RAB38: variants seen among roughly 807,000 people sequenced by gnomAD.
RAB38 encodes the protein ras-related protein Rab-38.
A neutral mutation model predicts 18.4 loss-of-function variants in RAB38; 15 were observed. The ratio of observed to expected loss-of-function variants is 0.82; its 90% confidence interval spans 0.55 to 1.26. The LOEUF (loss-of-function observed/expected upper bound fraction) is 1.26, where lower values mean the gene tolerates loss of function less well. Among genes scored for constraint, RAB38 ranks in the 50% most tolerant of loss-of-function variants. RAB38 has a pLI of 0.00. For synonymous variants in RAB38, 101 were observed against 104.4 expected (o/e 0.97, Z 0.20); for missense variants, 294 against 267.4 (o/e 1.10, Z -0.69).
chr11:88,076,691 G>A, the RAB38 span, among the ~76,000 whole-genome samples: 5 of 151,468 alleles, frequency 3.3e-5, no homozygotes, highest in East Asian at 1.9e-4. Context: ...AGTGGCTCAC[G>A]CCTGCAATCC....
chr11:88,069,591 A>G, the RAB38 span, among the ~76,000 whole-genome samples: 1 of 152,186 alleles, frequency 6.6e-6, no homozygotes, highest in Non-Finnish European at 1.5e-5. Context: ...TGTCTAGCTC[A>G]GGGTTCATGG....
At chr11:87,869,219 G>C in the RAB38 span, among the ~76,000 whole-genome samples, 3 of 151,572 alleles carry the variant, frequency 2.0e-5, no homozygotes, top group Admixed American at 2.0e-4. Context: ...CAAATCACAA[G>C]GTCAGCTACT....
chr11:87,896,069 T>A, the RAB38 span, among the ~76,000 whole-genome samples: 1 of 151,714 alleles, frequency 6.6e-6, no homozygotes, highest in African/African-American at 2.4e-5. Context: ...TAATCAAAAC[T>A]GTACCAGGTA....
the RAB38 span, among the ~76,000 whole-genome samples, chr11:88,078,228 G>T: frequency 6.6e-6 from 1 of 151,970 alleles, no homozygotes; most frequent in African/African-American, 2.4e-5. Context: ...ATGTAAATTA[G>T]TACAGCAACT....
chr11:88,163,123 G>A (rs1038774907), intron 1 of RAB38, among the ~76,000 whole-genome samples: 1 of 151,988 alleles, frequency 6.6e-6, no homozygotes, highest in African/African-American at 2.4e-5. Context: ...CTGCAAACCT[G>A]TGCAGCCTGT....
intron 1 of RAB38, among the ~76,000 whole-genome samples, chr11:88,164,430 G>A (rs547164812): frequency 6.6e-6 from 1 of 152,072 alleles, no homozygotes; most frequent in Non-Finnish European, 1.5e-5. Flanking sequence ...GTTTGAAACT[G>A]GGGTTTGGAA....
the RAB38 span, among the ~76,000 whole-genome samples, chr11:87,977,774 T>A: frequency 8.8e-6 from 1 of 113,998 alleles, no homozygotes; most frequent in Non-Finnish European, 1.7e-5. Flanking sequence ...ATTATAGTTA[T>A]ATATTATATC....
At chr11:88,078,649 C>T in the RAB38 span, among the ~76,000 whole-genome samples, 8 of 151,940 alleles carry the variant, frequency 5.3e-5, no homozygotes, top group African/African-American at 1.9e-4. Flanking sequence ...TGTATGTTCT[C>T]ACTCATATTT....
At chr11:88,048,653 C>A in the RAB38 span, among the ~76,000 whole-genome samples, 2 of 152,094 alleles carry the variant, frequency 1.3e-5, no homozygotes, top group Non-Finnish European at 2.9e-5. Context: ...GACTGTGCCC[C>A]AAAAAACTTG....
the RAB38 span, among the ~76,000 whole-genome samples, chr11:87,855,957 C>T: frequency 6.6e-6 from 1 of 152,100 alleles, no homozygotes; most frequent in Non-Finnish European, 1.5e-5. Flanking sequence ...ACAGAACTTT[C>T]CAACATTTAG....
chr11:87,908,411 T>C, the RAB38 span, among the ~76,000 whole-genome samples: 1 of 152,014 alleles, frequency 6.6e-6, no homozygotes, highest in Non-Finnish European at 1.5e-5. Flanking sequence ...GGGTGAACAC[T>C]CCTTTGGTGA....
At chr11:88,160,748 C>T (rs369538111) in intron 1 of RAB38, among the ~76,000 whole-genome samples, 1 of 152,090 alleles carries the variant, frequency 6.6e-6, no homozygotes, top group African/African-American at 2.4e-5. Flanking sequence ...CTAAATACTG[C>T]ATGTCCTCAC....
intron 2 of RAB38, among the ~76,000 whole-genome samples, chr11:88,121,868 C>T (rs1194534307): frequency 2.6e-5 from 4 of 152,166 alleles, no homozygotes; most frequent in Non-Finnish European, 4.4e-5. Flanking sequence ...GCCCAGAGCC[C>T]CTGCTCTTAA....
chr11:88,013,457 A>G, the RAB38 span, among the ~76,000 whole-genome samples: 1 of 152,042 alleles, frequency 6.6e-6, no homozygotes, highest in South Asian at 2.1e-4. Flanking sequence ...TTTTTTTGCC[A>G]TTTAGAATGA....
the RAB38 span, among the ~76,000 whole-genome samples, chr11:87,975,874 G>A: frequency 6.6e-6 from 1 of 151,386 alleles, no homozygotes; most frequent in South Asian, 2.1e-4. Context: ...ACACAAATTA[G>A]CAATGTCATG....
the RAB38 span, among the ~76,000 whole-genome samples, chr11:87,814,326 T>C: frequency 6.6e-6 from 1 of 152,184 alleles, no homozygotes; most frequent in Non-Finnish European, 1.5e-5. Flanking sequence ...TCAATGTCCA[T>C]GTTAGCTAGG....
the RAB38 span, among the ~76,000 whole-genome samples, chr11:88,062,734 C>T: frequency 3.0e-4 from 45 of 152,258 alleles, no homozygotes; most frequent in African/African-American, 1.1e-3. Context: ...CCAGGTTTCC[C>T]ACAAACTAAT....
the RAB38 span, among the ~76,000 whole-genome samples, chr11:87,852,121 T>C: frequency 1.8e-4 from 27 of 151,956 alleles, no homozygotes; most frequent in African/African-American, 6.3e-4. Flanking sequence ...CTTCTCTGTG[T>C]CCGTGTGTCT....
chr11:87,913,395 G>T, the RAB38 span, among the ~76,000 whole-genome samples: 1 of 152,206 alleles, frequency 6.6e-6, no homozygotes, highest in African/African-American at 2.4e-5. Context: ...GTTATTAGGT[G>T]TAGAAATATT....
Sources: allele counts gnomAD v4.1 joint callset (sites outside exome capture counted in the v4.1 genomes callset), GRCh38; gene constraint gnomAD v4.1.1; transcripts MANE v1.5; gene names NCBI Gene and HGNC (gene_info 2026-07-23, HGNC 2026-07-21).